The following GRB10 variants were observed in gnomAD, a reference collection of about 807,000 sequenced individuals.
GRB10 encodes growth factor receptor-bound protein 10.
GRB10 carries 20 observed loss-of-function variants against 80.9 expected under a neutral mutation model. The observed-to-expected ratio is 0.25, with a 90% CI of 0.17 to 0.36. GRB10 has a LOEUF of 0.36. Among genes scored for constraint, GRB10 ranks in the 10% least tolerant of loss-of-function variants. The pLI, the probability that GRB10 is intolerant of heterozygous loss-of-function variation, is 1.00. For missense variants in GRB10, 548 were observed against 747.7 expected (o/e 0.73, Z 3.12); for synonymous variants, 291 against 291.5 (o/e 1.00, Z 0.02).
At chr7:50,766,294 A>T (rs2076332919) in intron 2 of GRB10, among the ~76,000 whole-genome samples, 1 of 152,072 alleles carries the variant, frequency 6.6e-6, no homozygotes, top group Admixed American at 6.6e-5. Flanking sequence ...ACTGCTCTAT[A>T]CCTAAACACA....
intron 14 of GRB10, among the ~76,000 whole-genome samples, chr7:50,605,824 G>A (rs564531335): frequency 6.6e-6 from 1 of 152,246 alleles, no homozygotes; most frequent in South Asian, 2.1e-4. Context: ...GGCACCATTT[G>A]GCATCTCAAA....
chr7:50,638,643 G>A (rs2055527273), intron 7 of GRB10, among the ~76,000 whole-genome samples: 1 of 152,164 alleles, frequency 6.6e-6, no homozygotes, highest in South Asian at 2.1e-4. Context: ...CACTGTTGGT[G>A]GGAATGTAAA....
At chr7:50,776,308 G>A (rs1252121328) in intron 2 of GRB10, among the ~76,000 whole-genome samples, 1 of 152,070 alleles carries the variant, frequency 6.6e-6, no homozygotes, top group Non-Finnish European at 1.5e-5. Flanking sequence ...TGACCTCCCA[G>A]ACTCAAGTGA....
intron 2 of GRB10, among the ~76,000 whole-genome samples, chr7:50,775,161 C>CAAAAAAAAAAAA (rs777553621): frequency 0.026 from 807 of 30,890 alleles, 203 homozygotes; most frequent in East Asian, 0.065. Flanking sequence ...ATCCTGTCTC[C>CAAAAAAAAAAAA]AAAAAAAAAA....
chr7:50,757,497 G>A (rs1393226399), intron 2 of GRB10, among the ~76,000 whole-genome samples: 1 of 152,236 alleles, frequency 6.6e-6, no homozygotes, highest in Non-Finnish European at 1.5e-5. Context: ...ACCAAAAGGG[G>A]AGATATGTGA....
intron 13 of GRB10, among the ~76,000 whole-genome samples, chr7:50,612,101 G>A (rs889018715): frequency 1.3e-5 from 2 of 152,188 alleles, no homozygotes; most frequent in Non-Finnish European, 2.9e-5. Flanking sequence ...AGTACCACGT[G>A]ATAAATTTCC....
At chr7:50,674,912 A>C (rs2060754458) in intron 5 of GRB10, among the ~76,000 whole-genome samples, 1 of 152,184 alleles carries the variant, frequency 6.6e-6, no homozygotes, top group African/African-American at 2.4e-5. Flanking sequence ...TCCAGGGAGA[A>C]GCCATTCAGA....
intron 1 of GRB10, chr7:50,792,300 C>A: frequency 3.0e-6 from 1 of 330,988 alleles, no homozygotes; most frequent in Non-Finnish European, 5.4e-6. Context: ...TTCTTTCAAA[C>A]GCATTGTAAA....
chr7:50,686,111 A>C lies in GRB10; in HGVS notation c.140-11453T>G, dbSNP rs555329809. 8.5e-5 allele frequency among the ~76,000 whole-genome samples: 13 copies of C among 152,306 alleles called. 1 individual carries two copies. In the South Asian group the frequency reaches 2.7e-3, roughly 32 times the overall value. The stretch of plus-strand genomic sequence containing the variant: ...AGGGTCTGAATATCTGTGTTCTCCC[A>C]AAATTCATGTGTTGAAATCCTAACC... On this transcript the variant is annotated intron_variant, in intron 5 of 18. Coordinates refer to ENST00000401949, the MANE Select transcript of GRB10 (RefSeq NM_001350814.2).
At position 50,592,396 on chromosome 7, in the gene GRB10, G is replaced by C; in HGVS notation, c.*556C>G. On this transcript the variant is annotated 3_prime_UTR_variant, in exon 19 of 19. Coordinates refer to ENST00000401949, the MANE Select transcript of GRB10 (RefSeq NM_001350814.2). ...TGGGAGCTGAATCCACACCGTGGTA[G>C]TCGGCAGAGGGTGTGGAGGACCCTC... The C allele has an allele frequency of 6.4e-6, 1 of 156,416 alleles. No homozygotes were observed. The highest frequency in any genetic ancestry group is 1.9e-4 in the East Asian group (1 of 5,352). The allele number at this position is 156,416 out of a possible 1,614,324, so 9.7% of individuals were successfully genotyped here.
At chr7:50,660,487 G>A (rs979538425) in intron 7 of GRB10, among the ~76,000 whole-genome samples, 7 of 152,154 alleles carry the variant, frequency 4.6e-5, no homozygotes, top group South Asian at 2.1e-4. Flanking sequence ...GCAGGGCCCC[G>A]CCTCCTCAGA....
intron 4 of GRB10, chr7:50,705,269 G>A: frequency 1.0e-6 from 1 of 985,790 alleles, no homozygotes; most frequent in Middle Eastern, 5.2e-4. Flanking sequence ...CACTTAGAAG[G>A]AGGATGTTTG....
Position 50,623,350 on chromosome 7 carries a change from AG to A in GRB10, c.661+3471del, listed in dbSNP as rs546698046. On this transcript the variant is annotated intron_variant, in intron 8 of 18. Coordinates refer to ENST00000401949, the MANE Select transcript of GRB10 (RefSeq NM_001350814.2). ...ATCATTCACTAGGGCTTCACCTACC[AG>A]GGCAAGGGGCTTTGCAACAACTTTT... Among the ~76,000 whole-genome samples the A allele has an allele frequency of 1.0e-3, 152 of 152,358 alleles. 2 individuals carry two copies. Among genetic ancestry groups the A allele is most frequent in the African/African-American group, 3.6e-3 (148 of 41,580 alleles).
chr7:50,677,232 G>A (rs1256515780), intron 5 of GRB10, among the ~76,000 whole-genome samples: 1 of 152,182 alleles, frequency 6.6e-6, no homozygotes, highest in East Asian at 1.9e-4. Context: ...AGGACAAAGT[G>A]CTGAATCAAT....
At chr7:50,593,723 T>C (rs2046140904) in intron 18 of GRB10, among the ~76,000 whole-genome samples, 1 of 152,182 alleles carries the variant, frequency 6.6e-6, no homozygotes, top group South Asian at 2.1e-4. Flanking sequence ...TGGATGACTG[T>C]AGTACAGTGC....
At chr7:50,628,560 C>G (rs997657473) in intron 7 of GRB10, among the ~76,000 whole-genome samples, 4 of 117,304 alleles carry the variant, frequency 3.4e-5, no homozygotes, top group Admixed American at 9.0e-5. Context: ...CCTGAGTGCC[C>G]AGGTGGGGGT....
chr7:50,661,387 T>C (rs1013862771), intron 7 of GRB10, among the ~76,000 whole-genome samples: 3 of 152,226 alleles, frequency 2.0e-5, no homozygotes, highest in African/African-American at 7.2e-5. Context: ...CTAACAGGGT[T>C]AAACTATGTG....
chr7:50,782,073 G>GT lies in GRB10; in HGVS notation c.-327+350_-327+351insA, dbSNP rs1360015920. Among the ~76,000 whole-genome samples the GT allele has an allele frequency of 2.0e-5, 3 of 152,208 alleles. No homozygotes were observed. The highest frequency in any genetic ancestry group is 4.8e-5 in the African/African-American group (2 of 41,452). ...TCCCAAACCGGTTCCCACACCCGCT[G>GT]CCCACCACCTGGCGAGGAAGGAGCG... On this transcript the variant is annotated intron_variant, in intron 1 of 18. Coordinates refer to ENST00000401949, the MANE Select transcript of GRB10 (RefSeq NM_001350814.2). This position sits in a 1 kb window ranked among gnomAD's most constrained non-coding sequence, Gnocchi z 6.6.
intron 7 of GRB10, among the ~76,000 whole-genome samples, chr7:50,666,016 G>T (rs920231286): frequency 1.3e-5 from 2 of 152,164 alleles, no homozygotes; most frequent in Admixed American, 1.3e-4. Flanking sequence ...ACGAAGCCAG[G>T]GTGCAGTCAT....
Sources: gnomAD v4.1 joint callset for allele counts (sites outside exome capture counted in the v4.1 genomes callset) on GRCh38, gnomAD v4.1.1 for gene constraint, Gnocchi (gnomAD v3.1) non-coding constraint, MANE v1.5 for transcripts, NCBI Gene and HGNC (gene_info 2026-07-23, HGNC 2026-07-21) for gene names.